Variants in PTPRM observed in about 807,000 individuals in gnomAD.
The protein encoded by PTPRM is receptor-type tyrosine-protein phosphatase mu.
Under a neutral mutation model 186.7 loss-of-function variants are expected in PTPRM, and 47 were observed. The ratio of observed to expected loss-of-function variants is 0.25; its 90% CI spans 0.20 to 0.32. The LOEUF (loss-of-function observed/expected upper bound fraction) is 0.32. Ranked by LOEUF, PTPRM falls within the 10% of genes least tolerant of loss-of-function variation. The pLI, the probability that PTPRM is intolerant of heterozygous loss-of-function variation, is 1.00. For missense variants in PTPRM, 1,494 were observed against 1,865.0 expected, an observed-to-expected ratio of 0.80 and a Z score of 3.66; for synonymous variants, 668 against 674.9, an observed-to-expected ratio of 0.99 and a Z score of 0.16.
intron 13 of PTPRM, among the ~76,000 whole-genome samples, chr18:8,120,291 G>A (rs2092120703): frequency 6.6e-6 from 1 of 152,010 alleles, no homozygotes. Flanking sequence ...AGAACATAGA[G>A]ATCATATAAA....
intron 1 of PTPRM, among the ~76,000 whole-genome samples, chr18:7,739,753 C>G (rs1250519473): frequency 6.6e-6 from 1 of 152,218 alleles, no homozygotes; most frequent in African/African-American, 2.4e-5. Flanking sequence ...GCTTCTGCGG[C>G]TCTTGCTGCT....
intron 1 of PTPRM, among the ~76,000 whole-genome samples, chr18:7,670,178 A>AC (rs1555649429): frequency 7.6e-6 from 1 of 131,088 alleles, no homozygotes; most frequent in African/African-American, 3.9e-5. Context: ...GAGATATTTT[A>AC]CCTTTTTTTC....
chr18:7,575,885 A>C (rs1157006500), intron 1 of PTPRM, among the ~76,000 whole-genome samples: 1 of 152,220 alleles, frequency 6.6e-6, no homozygotes, highest in Non-Finnish European at 1.5e-5. Context: ...AAGACTAATG[A>C]GTCATCAAAA....
intron 1 of PTPRM, among the ~76,000 whole-genome samples, chr18:7,680,156 A>G (rs1196463342): frequency 6.6e-6 from 1 of 152,200 alleles, no homozygotes; most frequent in African/African-American, 2.4e-5. Flanking sequence ...ATGAGCCACT[A>G]CGCCTGGCTG....
At position 7,812,483 on chromosome 18, in the gene PTPRM, T is replaced by G. The variant is rs542755290; in HGVS notation, c.196+38212T>G. On this transcript the variant is annotated intron_variant, in intron 2 of 32. Transcript: ENST00000580170. The stretch of plus-strand genomic sequence containing the variant: ...AGTGGAAAGTGAGCCTCTTAGGTCT[T>G]AAGCTCCATGGGTTTAAGCACAGGA... Among the ~76,000 whole-genome samples the G allele has an allele frequency of 8.5e-5, 13 of 152,322 alleles. No individual in the cohort carries two copies. The South Asian group carries it at 2.7e-3, about 32-fold the overall frequency.
At chr18:8,360,972 A>G (rs959385131) in intron 23 of PTPRM, 1 of 152,206 alleles carries the variant, frequency 6.6e-6, no homozygotes, top group Non-Finnish European at 1.5e-5. Context: ...TGGTGGCATC[A>G]TATACTTCAC....
intron 1 of PTPRM, among the ~76,000 whole-genome samples, chr18:7,587,109 A>G (rs1476514808): frequency 6.6e-6 from 1 of 152,200 alleles, no homozygotes; most frequent in Non-Finnish European, 1.5e-5. Flanking sequence ...TTAATTTTAT[A>G]GGAGTATAAA....
chr18:8,041,086 G>A (rs759884369), intron 7 of PTPRM, among the ~76,000 whole-genome samples: 12 of 152,178 alleles, frequency 7.9e-5, no homozygotes, highest in East Asian at 1.9e-4. Flanking sequence ...TAGCAGGAAC[G>A]TCCTTCTACA....
intron 24 of PTPRM, among the ~76,000 whole-genome samples, chr18:8,375,785 T>A (rs779022996): frequency 1.3e-5 from 2 of 152,198 alleles, no homozygotes; most frequent in Non-Finnish European, 2.9e-5. Context: ...AACCAATTCA[T>A]CCATTTGCTG....
At chr18:7,703,070 G>T (rs2040000670) in intron 1 of PTPRM, among the ~76,000 whole-genome samples, 1 of 152,104 alleles carries the variant, frequency 6.6e-6, no homozygotes, top group East Asian at 1.9e-4. Context: ...ATGCTGTTTT[G>T]GTTACTGTAG....
At chr18:7,743,422 TAATGTCAGTG>T (rs1266056807) in intron 1 of PTPRM, among the ~76,000 whole-genome samples, 2 of 152,260 alleles carry the variant, frequency 1.3e-5, no homozygotes, top group African/African-American at 4.8e-5. Flanking sequence ...CTATTCTAGC[TAATGTCAGTG>T]AGTTGTCAAT....
chr18:8,105,400 T>G (rs1413825724), intron 11 of PTPRM, among the ~76,000 whole-genome samples: 1 of 152,232 alleles, frequency 6.6e-6, no homozygotes, highest in Non-Finnish European at 1.5e-5. Flanking sequence ...GTCATCTCTT[T>G]GAAAATTCAT....
At chr18:8,006,392 A>G (rs2084187121) in intron 7 of PTPRM, among the ~76,000 whole-genome samples, 1 of 152,184 alleles carries the variant, frequency 6.6e-6, no homozygotes, top group Non-Finnish European at 1.5e-5. Context: ...TCGCATAATA[A>G]ATGTTTAGCA....
At chr18:8,370,134 T>A (rs964024855) in intron 23 of PTPRM, among the ~76,000 whole-genome samples, 7 of 149,918 alleles carry the variant, frequency 4.7e-5, no homozygotes, top group African/African-American at 2.5e-5. Context: ...CACGTGTTCC[T>A]GCCCAGCCTC....
At chr18:8,159,231 A>G (rs2093181188) in intron 14 of PTPRM, among the ~76,000 whole-genome samples, 1 of 152,148 alleles carries the variant, frequency 6.6e-6, no homozygotes, top group Admixed American at 6.5e-5. Context: ...ATTAAGTACT[A>G]TATTTTCTTG....
At chr18:8,306,318 C>T (rs1486216546) in intron 20 of PTPRM, among the ~76,000 whole-genome samples, 1 of 152,176 alleles carries the variant, frequency 6.6e-6, no homozygotes, top group Non-Finnish European at 1.5e-5. Flanking sequence ...CCCCTTTTTA[C>T]AGATGAAGCT....
intron 22 of PTPRM, among the ~76,000 whole-genome samples, chr18:8,335,867 C>T (rs769060100): frequency 7.9e-5 from 12 of 152,076 alleles, no homozygotes; most frequent in Non-Finnish European, 1.5e-4. Flanking sequence ...ACTATAAACA[C>T]AAAAGCTAGC....
Position 7,597,070 on chromosome 18 carries a change from G to A in PTPRM, c.73+29179G>A, listed in dbSNP as rs558273034. ...AGGTTTTGCCACGTTGGCTAGGCTG[G>A]AATTGAACTCCTGACCTCAAGTGAT... On this transcript the variant is annotated intron_variant, in intron 1 of 32. Coordinates refer to ENST00000580170, the MANE Select transcript of PTPRM (RefSeq NM_001105244.2). Among the ~76,000 whole-genome samples the A allele has an allele frequency of 1.1e-4, 16 of 152,228 alleles. No individual in the cohort carries two copies. In the South Asian group the frequency reaches 3.3e-3, roughly 32 times the overall value.
At chr18:7,635,752 A>G (rs1234654336) in intron 1 of PTPRM, among the ~76,000 whole-genome samples, 2 of 152,260 alleles carry the variant, frequency 1.3e-5, no homozygotes, top group South Asian at 2.1e-4. Context: ...CAGAAAAGCC[A>G]CTGGACACAG....
Sources: gnomAD v4.1 joint callset for allele counts (sites outside exome capture counted in the v4.1 genomes callset) on GRCh38, gnomAD v4.1.1 for gene constraint, MANE v1.5 for transcripts, NCBI Gene and HGNC (gene_info 2026-07-23, HGNC 2026-07-21) for gene names.